Variants in SERPING1 observed in about 807,000 individuals in gnomAD.
SERPING1 encodes the protein serpin family G member 1.
SERPING1 carries 5 observed loss-of-function variants against 34.1 expected under a neutral mutation model. The observed-to-expected ratio is 0.15, with a 90% confidence interval of 0.08 to 0.31. The LOEUF (loss-of-function observed/expected upper bound fraction) is 0.31, where lower values mean the gene tolerates loss of function less well. SERPING1 is among the 10% of genes least tolerant of loss of function. The pLI, the probability that SERPING1 is intolerant of heterozygous loss-of-function variation, is 1.00. For missense variants in SERPING1, 505 were observed against 609.5 expected, an observed-to-expected ratio of 0.83 and a Z score of 1.81; for synonymous variants, 225 against 242.4, an observed-to-expected ratio of 0.93 and a Z score of 0.67.
chr11:57,602,010 C>T (rs1945352852), intron 3 of SERPING1, 25 bp from the exon 4 acceptor site: 15 of 1,613,938 alleles, frequency 9.3e-6, no homozygotes, highest in Non-Finnish European at 1.2e-5. Flanking sequence ...CTGCAAGTAT[C>T]TTTCATCTCT....
At chr11:57,599,195 T>A (rs1945319528) in intron 2 of SERPING1, among the ~76,000 whole-genome samples, 1 of 152,140 alleles carries the variant, frequency 6.6e-6, no homozygotes, top group Non-Finnish European at 1.5e-5. Flanking sequence ...CATTTTAGGA[T>A]GTTTTGCAGT....
Position 57,602,015 on chromosome 11 carries a change from A to G in SERPING1, c.551-20A>G, listed in dbSNP as rs753466607. On this transcript the variant is annotated intron_variant, in intron 3 of 7. Transcript: ENST00000278407. ...CCGACTCATCCTGCAAGTATCTTTC[A>G]TCTCTGCCCTTTGTTGCAGGGGCTG... The G allele has an allele frequency of 1.2e-6, 2 of 1,614,142 alleles. No homozygotes were observed. Among genetic ancestry groups the G allele is most frequent in the Admixed American group, 1.7e-5 (1 of 60,002 alleles).
chr11:57,606,681 C>G lies in SERPING1; in HGVS notation c.1029+134C>G, dbSNP rs1945414027. 4.2e-6 allele frequency: 4 copies of G among 957,830 alleles called. No homozygotes were observed. In the African/African-American group the frequency reaches 4.8e-5, roughly 12 times the overall value. The allele number at this position is 957,830 out of a possible 1,614,324, so 59.3% of individuals were successfully genotyped here. On this transcript the variant is annotated intron_variant, in intron 6 of 7. Transcript: ENST00000278407. ...TCTACTCCTTCCATCTGTATTTCCA[C>G]CCTATCTTTTCTCCTTCTCCTTTCT...
At chr11:57,607,287 T>A (rs1325776374) in intron 6 of SERPING1, among the ~76,000 whole-genome samples, 1 of 152,206 alleles carries the variant, frequency 6.6e-6, no homozygotes, top group African/African-American at 2.4e-5. Flanking sequence ...TTCACTCAGA[T>A]CCTCACATAG....
At chr11:57,608,041 T>C (rs1195452093) in intron 6 of SERPING1, among the ~76,000 whole-genome samples, 1 of 152,232 alleles carries the variant, frequency 6.6e-6, no homozygotes, top group Non-Finnish European at 1.5e-5. Context: ...CCCTATCTAA[T>C]GTATTTGACC....
chr11:57,605,057 G>A (rs888735984), intron 4 of SERPING1, among the ~76,000 whole-genome samples: 1 of 151,934 alleles, frequency 6.6e-6, no homozygotes, highest in African/African-American at 2.4e-5. Flanking sequence ...CCCATCATCT[G>A]AAAAACACCC....
intron 7 of SERPING1, among the ~76,000 whole-genome samples, chr11:57,612,264 A>G (rs1945485519): frequency 6.6e-6 from 1 of 152,156 alleles, no homozygotes; most frequent in East Asian, 1.9e-4. Flanking sequence ...TGGGACAGGT[A>G]ACCGAGGTGA....
chr11:57,606,592 T>A (rs778545444), intron 6 of SERPING1, 45 bp downstream of exon 6: 4 of 1,609,294 alleles, frequency 2.5e-6, no homozygotes, highest in South Asian at 1.1e-5. Flanking sequence ...CCTACTTGAG[T>A]CTCCTGACTT....
chr11:57,600,691 C>T (rs1159828823), intron 3 of SERPING1, among the ~76,000 whole-genome samples: 4 of 152,222 alleles, frequency 2.6e-5, no homozygotes, highest in Non-Finnish European at 4.4e-5. Context: ...TGGCTCACGC[C>T]TGTAATCCCA....
At chr11:57,598,532 C>G (rs971320941) in intron 2 of SERPING1, among the ~76,000 whole-genome samples, 2 of 152,138 alleles carry the variant, frequency 1.3e-5, no homozygotes, top group African/African-American at 4.8e-5. Context: ...TCTTGGCGGG[C>G]CATGTAGGAG....
At chr11:57,610,498 T>A (rs937042394) in intron 6 of SERPING1, among the ~76,000 whole-genome samples, 1 of 152,238 alleles carries the variant, frequency 6.6e-6, no homozygotes, top group Admixed American at 6.5e-5. Context: ...GCTTACTATC[T>A]ACTTCTTCTG....
At position 57,598,264 on chromosome 11, in the gene SERPING1, C is replaced by T. The variant is rs1322648540; in HGVS notation, c.-7C>T. 2 of 1,550,642 alleles carry T rather than the reference C, an allele frequency of 1.3e-6. No homozygotes were observed. The highest frequency in any genetic ancestry group is 1.4e-5 in the African/African-American group (1 of 73,244). On this transcript the variant is annotated 5_prime_UTR_variant, in exon 2 of 8. Coordinates refer to ENST00000278407, the MANE Select transcript of SERPING1 (RefSeq NM_000062.3). ...GGCTCCGCAGGTCCGCTGACGTCGC[C>T]GCCCAGATGGCCTCCAGGCTGACCC...
At chr11:57,604,118 C>T (rs1483263300) in intron 4 of SERPING1, among the ~76,000 whole-genome samples, 7 of 118,758 alleles carry the variant, frequency 5.9e-5, no homozygotes, top group African/African-American at 9.9e-5. Flanking sequence ...GGTGACAGAC[C>T]GAGACTCTGT....
At chr11:57,601,848 T>A in intron 3 of SERPING1, among the ~76,000 whole-genome samples, 187 bp from the exon 4 acceptor site, 2 of 97,038 alleles carry the variant, frequency 2.1e-5, no homozygotes, top group Non-Finnish European at 1.9e-5. Flanking sequence ...AAAGCAAGAC[T>A]CTGTCTCAAA....
intron 4 of SERPING1, among the ~76,000 whole-genome samples, chr11:57,604,317 T>C (rs1945384309): frequency 6.6e-6 from 1 of 152,202 alleles, no homozygotes. Flanking sequence ...ACATGTATTA[T>C]GTTATTAAGT....
intron 3 of SERPING1, 22 bp from the exon 4 acceptor site, chr11:57,602,013 T>C (rs1430943158): frequency 3.1e-6 from 5 of 1,613,978 alleles, no homozygotes; most frequent in Non-Finnish European, 4.2e-6. Flanking sequence ...CAAGTATCTT[T>C]CATCTCTGCC....
intron 1 of SERPING1, 66 bp from the exon 2 acceptor site, chr11:57,598,183 C>T (rs768364958): frequency 2.4e-5 from 30 of 1,259,898 alleles, no homozygotes; most frequent in South Asian, 1.8e-4. Context: ...GGGCGGGCCC[C>T]GGGCGGGGTG....
rs546612440 is a variant in SERPING1, at chr11:57,608,304, A to C, written c.1029+1757A>C. The stretch of plus-strand genomic sequence containing the variant: ...TTATAAGAACAAGTATTTCCTCTCT[A>C]AAAATGTTTTTAAAGTTTCACACAA... On this transcript the variant is annotated intron_variant, in intron 6 of 7. Coordinates refer to ENST00000278407, the MANE Select transcript of SERPING1 (RefSeq NM_000062.3). Among the ~76,000 whole-genome samples, 3 of 152,344 alleles carry C rather than the reference A, an allele frequency of 2.0e-5. No individual in the cohort carries two copies. In the South Asian group the frequency reaches 6.2e-4, roughly 32 times the overall value.
intron 7 of SERPING1, 63 bp downstream of exon 7, chr11:57,611,999 A>G (rs564235588): frequency 7.5e-7 from 1 of 1,329,480 alleles, no homozygotes; most frequent in South Asian, 1.2e-5. Context: ...GATCCCTAAG[A>G]TGTAGTTAGC....
Sources: allele counts gnomAD v4.1 joint callset (sites outside exome capture counted in the v4.1 genomes callset), GRCh38; gene constraint gnomAD v4.1.1; transcripts MANE v1.5; gene names NCBI Gene and HGNC (gene_info 2026-07-23, HGNC 2026-07-21).